The following TLE2 variants were observed in gnomAD, a reference collection of about 807,000 sequenced individuals.
TLE2 encodes TLE family member 2, transcriptional corepressor, also known as transducin-like enhancer protein 2.
TLE2 carries 74 observed loss-of-function variants against 97.2 expected under a neutral mutation model. The ratio of observed to expected loss-of-function variants is 0.76; its 90% confidence interval spans 0.63 to 0.92. The LOEUF (loss-of-function observed/expected upper bound fraction) is 0.92, where lower values mean the gene tolerates loss of function less well. Among genes scored for constraint, TLE2 ranks in the 40% least tolerant of loss-of-function variants. TLE2 has a pLI of 0.00. For synonymous variants in TLE2, 499 were observed against 432.1 expected (o/e 1.15, Z -1.92); for missense variants, 1,038 against 1,008.7 (o/e 1.03, Z -0.39).
Position 3,006,515 on chromosome 19 carries a change from T to A in TLE2, c.1405A>T (p.Thr469Ser), listed in dbSNP as rs375622611. The change falls in exon 15 of 20, where the codon ACA becomes TCA. Residue 469 changes from threonine (T) to serine (S), a missense_variant. By Grantham distance (58) the Thr-to-Ser change is moderately conservative. Transcript: ENST00000262953. ...TTGCCGCCCGTGTACACATGCTGTG[T>A]GGAGCCGCTGATGGTGACCGCGCAG... ...VVCAVTISGS[T>S]QHVYTGGKGC... 4 of 1,608,168 alleles carry A rather than the reference T, an allele frequency of 2.5e-6. No homozygotes were observed. In the South Asian group the frequency reaches 3.3e-5, roughly 13 times the overall value.
chr19:3,047,197 A>C (rs1404697411), upstream of TLE2, among the ~76,000 whole-genome samples: 1 of 102,630 alleles, frequency 9.7e-6, no homozygotes, highest in African/African-American at 4.0e-5. Flanking sequence ...CCGCCTCATT[A>C]GGCGCGGCCG....
intron 18 of TLE2, among the ~76,000 whole-genome samples, chr19:3,001,215 G>C (rs1423022748): frequency 1.3e-5 from 2 of 151,678 alleles, no homozygotes; most frequent in African/African-American, 2.4e-5. Context: ...AGAGGTTGCA[G>C]TGAGCTGAGA....
At chr19:3,024,143 G>A (rs2089900014) in intron 5 of TLE2, among the ~76,000 whole-genome samples, 1 of 151,366 alleles carries the variant, frequency 6.6e-6, no homozygotes, top group African/African-American at 2.4e-5. Flanking sequence ...TGGGATTACA[G>A]GCAAACACCA....
Position 3,019,266 on chromosome 19 carries a change from C to G in TLE2, c.550+17G>C, listed in dbSNP as rs377030289. The G allele has an allele frequency of 6.4e-7, 1 of 1,566,480 alleles. No individual in the cohort carries two copies. The highest frequency in any genetic ancestry group is 1.4e-5 in the African/African-American group (1 of 73,864). ...CCCCGTCTCCCCAGCCAATGCCACC[C>G]CGTGCTGCCCACTCACCTCTGGACC... On this transcript the variant is annotated intron_variant, in intron 7 of 19. Coordinates refer to ENST00000262953, the MANE Select transcript of TLE2 (RefSeq NM_003260.5). This position sits in a 1 kb window ranked among gnomAD's most constrained non-coding sequence, Gnocchi z 5.1.
chr19:3,036,673 C>T (rs576535722), intron 1 of TLE2, among the ~76,000 whole-genome samples: 1 of 152,366 alleles, frequency 6.6e-6, no homozygotes, highest in South Asian at 2.1e-4. Context: ...AGCCATCTCC[C>T]TAGAACCTCC....
At position 3,008,893 on chromosome 19, in the gene TLE2, AGG is replaced by A; in HGVS notation, c.1224_1225del (p.Leu409ThrfsTer114). ...CGGCTTTCCCCCAGGGATGCTGGGT[AGG>A]GAGGAAGAGACGGATGACCCTCGGA... On this transcript the variant is annotated frameshift_variant, in exon 14 of 20. Coordinates refer to ENST00000262953, the MANE Select transcript of TLE2 (RefSeq NM_003260.5). LOFTEE classifies it high-confidence loss of function. The A allele has an allele frequency of 9.4e-6, 15 of 1,592,824 alleles. No individual in the cohort carries two copies. The highest frequency in any genetic ancestry group is 1.3e-5 in the Non-Finnish European group (15 of 1,169,740).
chr19:3,021,403 C>CAA (rs1003076338), intron 5 of TLE2, among the ~76,000 whole-genome samples: 4 of 141,456 alleles, frequency 2.8e-5, no homozygotes, highest in African/African-American at 1.0e-4. Flanking sequence ...GACTCAGTCT[C>CAA]AAAAAAAAAA....
chr19:3,008,836 AC>A, intron 14 of TLE2, 32 bp downstream of exon 14: 2 of 1,497,542 alleles, frequency 1.3e-6, no homozygotes, highest in Non-Finnish European at 1.8e-6. Flanking sequence ...CTGGCCCGGG[AC>A]CCCAGGCAGG....
chr19:3,021,594 C>A (rs1264566445), intron 5 of TLE2, among the ~76,000 whole-genome samples: 1 of 151,772 alleles, frequency 6.6e-6, no homozygotes, highest in East Asian at 1.9e-4. Context: ...TTTATTTTTA[C>A]TTTTTTGAGA....
intron 17 of TLE2, among the ~76,000 whole-genome samples, chr19:3,002,802 G>T (rs1433550811): frequency 3.3e-5 from 5 of 152,068 alleles, no homozygotes; most frequent in Non-Finnish European, 5.9e-5. Flanking sequence ...AGGTTCAAGG[G>T]ATTCTCCTGC....
chr19:3,044,285 G>A (rs149234305), intron 1 of TLE2, among the ~76,000 whole-genome samples: 1 of 152,094 alleles, frequency 6.6e-6, no homozygotes, highest in Admixed American at 6.6e-5. Context: ...GGAGGATCTC[G>A]ATAATCGCAC....
intron 18 of TLE2, among the ~76,000 whole-genome samples, chr19:3,001,949 C>G (rs925997271): frequency 6.6e-6 from 1 of 151,930 alleles, no homozygotes; most frequent in Non-Finnish European, 1.5e-5. Context: ...AGGCGCCCAC[C>G]ACCACGCCTG....
chr19:3,040,631 A>T (rs1314955626), intron 1 of TLE2, among the ~76,000 whole-genome samples: 1 of 150,016 alleles, frequency 6.7e-6, no homozygotes, highest in African/African-American at 2.5e-5. Flanking sequence ...GAGCCATCTC[A>T]CCCGGCACAG....
intron 5 of TLE2, among the ~76,000 whole-genome samples, chr19:3,022,447 T>G (rs924173707): frequency 6.6e-6 from 1 of 151,034 alleles, no homozygotes; most frequent in Non-Finnish European, 1.5e-5. Flanking sequence ...AAGAATCGCT[T>G]GAACCCAGGA....
chr19:3,013,586 G>T, intron 11 of TLE2, 83 bp downstream of exon 11: 1 of 1,230,552 alleles, frequency 8.1e-7, no homozygotes. Context: ...TCTCATCACT[G>T]CCCTCTGCAT....
At chr19:3,046,917 T>TCTC (rs1555696144), upstream of TLE2, among the ~76,000 whole-genome samples, 3 of 30,458 alleles carry the variant, frequency 9.8e-5, no homozygotes, top group Non-Finnish European at 2.2e-4. Flanking sequence ...CTCCCTCTCC[T>TCTC]CCTCCCCCTC....
intron 17 of TLE2, among the ~76,000 whole-genome samples, chr19:3,004,407 G>A (rs1328384548): frequency 1.3e-5 from 2 of 151,904 alleles, no homozygotes; most frequent in Non-Finnish European, 2.9e-5. Flanking sequence ...GGAAGCCGAG[G>A]CAGGTGGATC....
At chr19:3,035,821 T>G (rs1383087159) in intron 1 of TLE2, among the ~76,000 whole-genome samples, 2 of 152,144 alleles carry the variant, frequency 1.3e-5, no homozygotes, top group Admixed American at 6.5e-5. Flanking sequence ...TTGGCGAGTG[T>G]GGCCCCCCTC....
At chr19:3,011,784 A>G (rs2145149953) in intron 11 of TLE2, among the ~76,000 whole-genome samples, 1 of 152,164 alleles carries the variant, frequency 6.6e-6, no homozygotes, top group South Asian at 2.1e-4. Context: ...CGGGAGGCAG[A>G]GGTTGCAGTG....
Sources: gnomAD v4.1 joint callset for allele counts (sites outside exome capture counted in the v4.1 genomes callset) on GRCh38, gnomAD v4.1.1 for gene constraint, Gnocchi (gnomAD v3.1) non-coding constraint, MANE v1.5 for transcripts, NCBI Gene and HGNC (gene_info 2026-07-23, HGNC 2026-07-21) for gene names.